SLC2A9: variants seen among roughly 807,000 people sequenced by gnomAD.
The protein encoded by SLC2A9 is solute carrier family 2, facilitated glucose transporter member 9.
Under a neutral mutation model 50.6 loss-of-function variants are expected in SLC2A9, and 39 were observed. The ratio of observed to expected loss-of-function variants is 0.77; its 90% confidence interval spans 0.60 to 1.01. SLC2A9 has a LOEUF of 1.01. Among genes scored for constraint, SLC2A9 ranks in the 50% least tolerant of loss-of-function variants. The probability of loss-of-function intolerance (pLI) is 0.00; values close to 1 mark genes in which losing one functional copy is unlikely to be tolerated. For synonymous variants in SLC2A9, 324 were observed against 276.9 expected, an observed-to-expected ratio of 1.17 and a Z score of -1.69; for missense variants, 686 against 677.6, an observed-to-expected ratio of 1.01 and a Z score of -0.14.
At chr4:9,860,483 G>C (rs1731434080) in intron 10 of SLC2A9, among the ~76,000 whole-genome samples, 1 of 152,228 alleles carries the variant, frequency 6.6e-6, no homozygotes, top group African/African-American at 2.4e-5. Flanking sequence ...ATTAACGACT[G>C]ACCCAGTAAA....
downstream of SLC2A9, among the ~76,000 whole-genome samples, chr4:9,823,225 C>A (rs1724651874): frequency 2.0e-5 from 3 of 152,020 alleles, no homozygotes; most frequent in South Asian, 6.2e-4. Context: ...AAGACAAGGG[C>A]CTAATCCCCA....
At position 9,845,427 on chromosome 4, in the gene SLC2A9, C is replaced by CTTTTTTTTTTTTTTT. The variant is rs1175166447; in HGVS notation, c.1292-10434_1292-10420dup. 2.3e-4 allele frequency among the ~76,000 whole-genome samples: 25 copies of CTTTTTTTTTTTTTTT among 108,678 alleles called. 1 individual carries two copies. Among genetic ancestry groups the CTTTTTTTTTTTTTTT allele is most frequent in the African/African-American group, 9.0e-4 (22 of 24,534 alleles). The allele number at this position is 108,678 out of a possible 152,430, so 71.3% of individuals were successfully genotyped here. A position where few individuals can be genotyped will look rare whatever the true frequency, so the allele number is the denominator to read the frequency against. ...CCAATGGAACCACGATCATCAATTT[C>CTTTTTTTTTTTTTTT]TTTTTTTTTTTTTTTTTTTTGAGAC... On this transcript the variant is annotated intron_variant, in intron 10 of 11. Coordinates refer to ENST00000264784, the MANE Select transcript of SLC2A9 (RefSeq NM_020041.3).
chr4:9,919,398 A>G (rs1743489434), intron 7 of SLC2A9, among the ~76,000 whole-genome samples: 1 of 152,198 alleles, frequency 6.6e-6, no homozygotes, highest in African/African-American at 2.4e-5. Flanking sequence ...AGGAGGTGGA[A>G]CAACACTGTG....
chr4:9,888,512 A>G (rs1736726793), intron 9 of SLC2A9, among the ~76,000 whole-genome samples: 1 of 152,050 alleles, frequency 6.6e-6, no homozygotes, highest in Non-Finnish European at 1.5e-5. Context: ...CTCCTGCTCT[A>G]GCAGACTGGA....
chr4:9,924,700 C>T (rs1347393519), intron 6 of SLC2A9, among the ~76,000 whole-genome samples: 1 of 152,206 alleles, frequency 6.6e-6, no homozygotes, highest in Non-Finnish European at 1.5e-5. Flanking sequence ...CGAGTCACCT[C>T]TCAAATAAAC....
chr4:9,816,174 C>CATAAATAAATAAATAAATAAATAAATAA (rs34640947), intron 3 of SLC2A9, among the ~76,000 whole-genome samples: 1 of 149,056 alleles, frequency 6.7e-6, no homozygotes, highest in African/African-American at 2.5e-5. Context: ...TGTCTCAAAA[C>CATAAATAAATAAATAAATAAATAAATAA]ATAAATAAAT....
In SLC2A9 at chr4:9,985,789, G is replaced by A; in HGVS notation, c.415C>T (p.His139Tyr). The change falls in exon 4 of 12, where the codon CAC becomes TAC. Residue 139 changes from histidine (H) to tyrosine (Y), a missense_variant. Coordinates refer to ENST00000264784, the MANE Select transcript of SLC2A9 (RefSeq NM_020041.3). ...AACCCATTATTGGCCAGCAAAGTGT[G>A]CTTCCTGGAAAGAAAGGAAAGATTT... The part of the protein sequence containing the change: ...KMIGKVLGRK[H>Y]TLLANNGFAI... The A allele has an allele frequency of 6.2e-7, 1 of 1,614,028 alleles. No individual in the cohort carries two copies. Among genetic ancestry groups the A allele is most frequent in the Non-Finnish European group, 8.5e-7 (1 of 1,179,890 alleles).
intron 10 of SLC2A9, among the ~76,000 whole-genome samples, chr4:9,858,365 T>A (rs777180007): frequency 1.3e-5 from 2 of 152,206 alleles, no homozygotes; most frequent in African/African-American, 2.4e-5. Flanking sequence ...GTTCTCTTTG[T>A]TAATGGACTG....
chr4:10,013,967 A>G (rs1256081041), intron 2 of SLC2A9, among the ~76,000 whole-genome samples: 2 of 152,134 alleles, frequency 1.3e-5, no homozygotes, highest in Admixed American at 1.3e-4. Flanking sequence ...CATCTCTGTG[A>G]GCAGATACCC....
At chr4:10,005,469 G>A (rs565943400) in intron 2 of SLC2A9, among the ~76,000 whole-genome samples, 34 of 152,252 alleles carry the variant, frequency 2.2e-4, no homozygotes, top group Non-Finnish European at 4.0e-4. Context: ...GCACGGAATT[G>A]ATAGCTCTAA....
intron 10 of SLC2A9, among the ~76,000 whole-genome samples, chr4:9,886,087 T>A (rs1736153007): frequency 6.6e-6 from 1 of 151,832 alleles, no homozygotes; most frequent in Non-Finnish European, 1.5e-5. Flanking sequence ...GGTTTTAGAA[T>A]AAGTGGCCAG....
At chr4:9,989,615 C>A (rs1757330263) in intron 3 of SLC2A9, among the ~76,000 whole-genome samples, 1 of 152,030 alleles carries the variant, frequency 6.6e-6, no homozygotes. Context: ...TGCGCTATTG[C>A]AAGGTTCTCC....
At chr4:9,884,937 C>G (rs1211563059) in intron 10 of SLC2A9, among the ~76,000 whole-genome samples, 3 of 152,134 alleles carry the variant, frequency 2.0e-5, no homozygotes, top group Non-Finnish European at 4.4e-5. Context: ...CCAAACACCA[C>G]ATGTTCTCAC....
chr4:9,776,226 G>A (rs2108827688), downstream of SLC2A9, among the ~76,000 whole-genome samples: 1 of 150,020 alleles, frequency 6.7e-6, no homozygotes, highest in East Asian at 2.0e-4. Flanking sequence ...ATGTTTCAGA[G>A]TAGTCCAAGT....
chr4:9,932,619 G>A lies in SLC2A9; in HGVS notation c.814+9294C>T, dbSNP rs550219524. Among the ~76,000 whole-genome samples, 13 of 152,358 alleles carry A rather than the reference G, an allele frequency of 8.5e-5. 1 individual carries two copies. Among genetic ancestry groups the A allele is most frequent in the Non-Finnish European group, 1.6e-4 (11 of 68,026 alleles). ...CCTAAAGGAAGTGAGGGAGGTGTGG[G>A]TCATGCAGACATCTGGGGAAAGAGC... On this transcript the variant is annotated intron_variant, in intron 6 of 11. Coordinates refer to ENST00000264784, the MANE Select transcript of SLC2A9 (RefSeq NM_020041.3).
chr4:9,778,365 C>T (rs1200903224), downstream of SLC2A9, among the ~76,000 whole-genome samples: 6 of 152,148 alleles, frequency 3.9e-5, no homozygotes, highest in African/African-American at 1.4e-4. Flanking sequence ...AGTGATCCAC[C>T]TGCTTCAGCC....
intron 10 of SLC2A9, among the ~76,000 whole-genome samples, chr4:9,863,124 T>A (rs1731915670): frequency 6.6e-6 from 1 of 151,952 alleles, no homozygotes. Context: ...CAGAGTGTAG[T>A]ACCTGATACA....
At chr4:9,908,188 G>C in intron 8 of SLC2A9, 47 bp downstream of exon 8, 1 of 1,278,762 alleles carries the variant, frequency 7.8e-7, no homozygotes, top group Non-Finnish European at 1.1e-6. Flanking sequence ...CCACTGTGCT[G>C]TGTAACCCCC....
chr4:9,871,652 T>C (rs1051892679), intron 10 of SLC2A9, among the ~76,000 whole-genome samples: 1 of 152,184 alleles, frequency 6.6e-6, no homozygotes, highest in African/African-American at 2.4e-5. Flanking sequence ...AACTGAGTAA[T>C]CTGCAATGAC....
Sources: allele counts gnomAD v4.1 joint callset (sites outside exome capture counted in the v4.1 genomes callset), GRCh38; gene constraint gnomAD v4.1.1; transcripts MANE v1.5; gene names NCBI Gene and HGNC (gene_info 2026-07-23, HGNC 2026-07-21).